GSPT1: variants seen among roughly 807,000 people sequenced by gnomAD.
GSPT1 encodes G1 to S phase transition 1.
Under a neutral mutation model 72.5 loss-of-function variants are expected in GSPT1, and 20 were observed. The ratio of observed to expected loss-of-function variants is 0.28; its 90% CI spans 0.19 to 0.40. GSPT1 has a LOEUF of 0.40. GSPT1 is among the 10% of genes least tolerant of loss of function. The probability of loss-of-function intolerance (pLI) is 1.00; values close to 1 mark genes in which losing one functional copy is unlikely to be tolerated. For missense variants in GSPT1, 580 were observed against 811.9 expected, an observed-to-expected ratio of 0.71 and a Z score of 3.47; for synonymous variants, 334 against 293.5, an observed-to-expected ratio of 1.14 and a Z score of -1.41.
chr16:11,874,349 A>C (rs145565102), intron 14 of GSPT1, among the ~76,000 whole-genome samples: 3 of 151,498 alleles, frequency 2.0e-5, no homozygotes, highest in African/African-American at 4.8e-5. Flanking sequence ...CACAGCAATC[A>C]CCACTGACTA....
At chr16:11,907,432 T>C (rs1407664694) in intron 1 of GSPT1, among the ~76,000 whole-genome samples, 6 of 152,232 alleles carry the variant, frequency 3.9e-5, no homozygotes, top group Non-Finnish European at 5.9e-5. Flanking sequence ...GAGAATGTTG[T>C]GAAGACTAAA....
intron 1 of GSPT1, among the ~76,000 whole-genome samples, chr16:11,914,346 G>A (rs1389923959): frequency 6.6e-6 from 1 of 152,118 alleles, no homozygotes; most frequent in African/African-American, 2.4e-5. Context: ...TCACTCACCG[G>A]ATATTCCTAC....
intron 6 of GSPT1, among the ~76,000 whole-genome samples, chr16:11,889,852 G>A (rs1567441754): frequency 6.6e-6 from 1 of 151,376 alleles, no homozygotes; most frequent in African/African-American, 2.4e-5. Flanking sequence ...ATTGGCCAGG[G>A]TGGTCTCGAA....
At chr16:11,905,745 G>C (rs2054480895) in intron 1 of GSPT1, among the ~76,000 whole-genome samples, 2 of 152,196 alleles carry the variant, frequency 1.3e-5, no homozygotes. Context: ...TGTGGCGGGA[G>C]AATGGCTTGA....
In GSPT1 at chr16:11,912,353, AAAAAAAAAAC is replaced by A. The variant is rs1214275964; in HGVS notation, c.352+3006_352+3015del. 2.0e-5 allele frequency among the ~76,000 whole-genome samples: 3 copies of A among 152,136 alleles called. No individual in the cohort carries two copies. The East Asian group carries it at 5.8e-4, about 29-fold the overall frequency. The stretch of plus-strand genomic sequence containing the variant: ...ACAGAGCAAGACTCCGTCTCAAAAA[AAAAAAAAAAC>A]AAAAAAAAAACCTCCTCTTCCAATA... On this transcript the variant is annotated intron_variant, in intron 1 of 14. Transcript: ENST00000434724.
chr16:11,905,795 G>A (rs1341567982), intron 1 of GSPT1, among the ~76,000 whole-genome samples: 2 of 151,998 alleles, frequency 1.3e-5, no homozygotes, highest in Non-Finnish European at 2.9e-5. Flanking sequence ...AGATCACTGA[G>A]TCACTGCACT....
In GSPT1 at chr16:11,896,072, G is replaced by C. The variant is rs60770166; in HGVS notation, c.664+486C>G. Among the ~76,000 whole-genome samples, 924 of 152,326 alleles carry C rather than the reference G, an allele frequency of 6.1e-3. 13 individuals carry two copies. The highest frequency in any genetic ancestry group is 0.021 in the African/African-American group (870 of 41,562). ...ATTCTGGGGATAGGCCAGATAATTA[G>C]AGAATATCTGAGTAAATTAAATAAA... is the stretch of plus-strand genomic sequence containing the variant. On this transcript the variant is annotated intron_variant, in intron 4 of 14. Coordinates refer to ENST00000434724, the MANE Select transcript of GSPT1 (RefSeq NM_002094.4).
Position 11,897,883 on chromosome 16 carries a change from T to C in GSPT1, c.395-2A>G. 6.5e-7 allele frequency: 1 copy of C among 1,539,314 alleles called. No individual in the cohort carries two copies. On this transcript the variant is annotated splice_acceptor_variant, in intron 2 of 14. Coordinates refer to ENST00000434724, the MANE Select transcript of GSPT1 (RefSeq NM_002094.4). LOFTEE classifies it high-confidence loss of function. ...CCATGCTAACAGCTGAATTTGAACC[T>C]AGACAAGAGATTGAAATATAATATA...
At chr16:11,879,061 A>C (rs1012512690) in intron 11 of GSPT1, among the ~76,000 whole-genome samples, 1 of 148,860 alleles carries the variant, frequency 6.7e-6, no homozygotes, top group Non-Finnish European at 1.5e-5. Context: ...GGGCAATAAG[A>C]GCGAAACTCC....
rs748327910 is a variant in GSPT1 at position 11,883,112 on chromosome 16, TA to T, written c.1348-18del. 1 of 1,530,632 alleles carries T rather than the reference TA, an allele frequency of 6.5e-7. No homozygotes were observed. The highest frequency in any genetic ancestry group is 2.2e-5 in the East Asian group (1 of 44,478). 94.8% of individuals were successfully genotyped at this position (1,530,632 alleles called of 1,614,324 possible). A position where few individuals can be genotyped will look rare whatever the true frequency, so the allele number is the denominator to read the frequency against. ...GCCCATATCCTGATCAAATGTAAAA[TA>T]AAATCCAGTTTCAGACTTCTTGGTG... On this transcript the variant is annotated intron_variant, in intron 10 of 14. Coordinates refer to ENST00000434724, the MANE Select transcript of GSPT1 (RefSeq NM_002094.4).
intron 1 of GSPT1, among the ~76,000 whole-genome samples, chr16:11,901,062 T>C (rs959133554): frequency 2.0e-5 from 3 of 152,210 alleles, no homozygotes; most frequent in Non-Finnish European, 4.4e-5. Flanking sequence ...CAGTCCCAGC[T>C]GCTCCGGGGG....
chr16:11,891,276 T>C (rs1288725158), intron 5 of GSPT1, 137 bp from the exon 6 acceptor site: 3 of 266,740 alleles, frequency 1.1e-5, no homozygotes, highest in Non-Finnish European at 2.1e-5. Flanking sequence ...TCTAAAAAAA[T>C]ATAAAATATA....
At chr16:11,906,782 CA>C (rs1292306192) in intron 1 of GSPT1, among the ~76,000 whole-genome samples, 1 of 152,062 alleles carries the variant, frequency 6.6e-6, no homozygotes, top group African/African-American at 2.4e-5. Flanking sequence ...ATCCAGCAGC[CA>C]ACAAGTCTTA....
At chr16:11,890,991 G>C in intron 6 of GSPT1, 71 bp downstream of exon 6, 1 of 698,734 alleles carries the variant, frequency 1.4e-6, no homozygotes, top group Non-Finnish European at 2.5e-6. Flanking sequence ...TATTTTAACA[G>C]GCTCCAAAAG....
chr16:11,900,599 T>C (rs1298002000), intron 1 of GSPT1, among the ~76,000 whole-genome samples: 1 of 152,146 alleles, frequency 6.6e-6, no homozygotes, highest in Non-Finnish European at 1.5e-5. Context: ...TTCCAAGTTA[T>C]GCAAGTGCCA....
rs555655031 is a variant in GSPT1, at chr16:11,877,972, A to G, written c.1429-392T>C. On this transcript the variant is annotated intron_variant, in intron 11 of 14. Transcript: ENST00000434724. This position sits in a 1 kb window ranked among gnomAD's most constrained non-coding sequence, Gnocchi z 4.0. ...ATAAACCTGTCTTCTATTACCTATC[A>G]ATCTCCAAATATCGGAATTATGCAC... Among the ~76,000 whole-genome samples, 67 of 152,330 alleles carry G rather than the reference A, an allele frequency of 4.4e-4. No homozygotes were observed. The highest frequency in any genetic ancestry group is 3.4e-3 in the Middle Eastern group (1 of 294).
intron 6 of GSPT1, among the ~76,000 whole-genome samples, chr16:11,888,446 A>C (rs2054211592): frequency 7.2e-6 from 1 of 138,730 alleles, no homozygotes; most frequent in Non-Finnish European, 1.5e-5. Flanking sequence ...TGGGCAACAG[A>C]GGGAGACTCT....
At chr16:11,894,446 G>A (rs4780404) in intron 5 of GSPT1, among the ~76,000 whole-genome samples, 13,675 of 152,052 alleles carry the variant, frequency 0.09, 1,181 homozygotes, top group African/African-American at 0.19. Flanking sequence ...ATACATTTAA[G>A]GAGCTGATGA....
At chr16:11,900,703 A>G (rs575947421) in intron 1 of GSPT1, among the ~76,000 whole-genome samples, 57 of 152,332 alleles carry the variant, frequency 3.7e-4, no homozygotes, top group African/African-American at 1.2e-3. Flanking sequence ...GCGTATCTTA[A>G]GGCAGGAAAA....
Sources: gnomAD v4.1 joint callset for allele counts (sites outside exome capture counted in the v4.1 genomes callset) on GRCh38, gnomAD v4.1.1 for gene constraint, Gnocchi (gnomAD v3.1) non-coding constraint, MANE v1.5 for transcripts, NCBI Gene and HGNC (gene_info 2026-07-23, HGNC 2026-07-21) for gene names.